Variants in ATG7 observed in about 807,000 individuals in gnomAD.
ATG7 encodes autophagy related 7.
Under a neutral mutation model 82.4 loss-of-function variants are expected in ATG7, and 70 were observed. That is an observed-to-expected ratio of 0.85 (90% CI 0.70 to 1.04). The LOEUF (loss-of-function observed/expected upper bound fraction) is 1.04. Among genes scored for constraint, ATG7 ranks in the 50% least tolerant of loss-of-function variants. The pLI is 0.00. For missense variants in ATG7, 792 were observed against 864.3 expected, an observed-to-expected ratio of 0.92 and a Z score of 1.05; for synonymous variants, 287 against 313.0, an observed-to-expected ratio of 0.92 and a Z score of 0.88.
chr3:11,294,747 C>G (rs978212688), intron 3 of ATG7, among the ~76,000 whole-genome samples: 2 of 152,204 alleles, frequency 1.3e-5, no homozygotes, highest in African/African-American at 2.4e-5. Flanking sequence ...GCCTCCATCA[C>G]TATCCCTTCT....
chr3:11,405,136 C>A (rs527895265), intron 19 of ATG7, among the ~76,000 whole-genome samples: 4 of 152,154 alleles, frequency 2.6e-5, no homozygotes, highest in African/African-American at 4.8e-5. Context: ...TAGTTTTCAA[C>A]AGTTGGCCCT....
At chr3:11,480,455 T>C (rs981036418) in intron 20 of ATG7, among the ~76,000 whole-genome samples, 13 of 152,002 alleles carry the variant, frequency 8.6e-5, no homozygotes, top group African/African-American at 2.9e-4. Context: ...GAGGATTGCT[T>C]GAGAGCATTA....
At chr3:11,568,674 G>C in the ATG7 span, 2 of 1,555,474 alleles carry the variant, frequency 1.3e-6, no homozygotes, top group East Asian at 2.4e-5. This position sits in a 1 kb window ranked among gnomAD's most constrained non-coding sequence, Gnocchi z 5.9. Flanking sequence ...CGCTCGCCCG[G>C]ATGAATCACC....
intron 20 of ATG7, among the ~76,000 whole-genome samples, chr3:11,531,217 A>AG (rs145827275): frequency 0.015 from 2,285 of 152,202 alleles, 56 homozygotes; most frequent in African/African-American, 0.049. Flanking sequence ...GTCTAGAAGA[A>AG]GGGGGGGCTG....
intron 16 of ATG7, among the ~76,000 whole-genome samples, chr3:11,362,047 ATC>A (rs1434465853): frequency 6.6e-6 from 1 of 152,182 alleles, no homozygotes; most frequent in African/African-American, 2.4e-5. Context: ...TGGCTTGATG[ATC>A]TCTGTTATGG....
intron 19 of ATG7, among the ~76,000 whole-genome samples, chr3:11,387,506 C>T (rs1389874992): frequency 1.3e-5 from 2 of 152,164 alleles, no homozygotes; most frequent in African/African-American, 4.8e-5. Context: ...TAGATGGTTC[C>T]ATTGGCAGCC....
intron 18 of ATG7, among the ~76,000 whole-genome samples, chr3:11,378,684 CCAAAAAAAAAA>C (rs2077632229): frequency 4.3e-5 from 1 of 23,002 alleles, no homozygotes; most frequent in Admixed American, 7.2e-4. Flanking sequence ...GACTCCATCT[CCAAAAAAAAAA>C]AAAAAAAAAA....
At chr3:11,477,684 A>AT (rs896645921) in intron 20 of ATG7, among the ~76,000 whole-genome samples, 1 of 152,120 alleles carries the variant, frequency 6.6e-6, no homozygotes, top group Non-Finnish European at 1.5e-5. Context: ...ACAAGGGGGA[A>AT]TTTTTTTGCT....
At chr3:11,391,321 G>T (rs1455018264) in intron 19 of ATG7, among the ~76,000 whole-genome samples, 1 of 152,084 alleles carries the variant, frequency 6.6e-6, no homozygotes, top group Non-Finnish European at 1.5e-5. Context: ...TAACCTAAAT[G>T]AAGCTGAGGT....
At chr3:11,488,556 C>G (rs2090005879) in intron 20 of ATG7, 7 of 929,462 alleles carry the variant, frequency 7.5e-6, no homozygotes, top group Non-Finnish European at 9.6e-6. Context: ...GCGGCGCCAA[C>G]CACCACCCGC....
At chr3:11,500,462 CA>C (rs1208515474) in intron 20 of ATG7, among the ~76,000 whole-genome samples, 1 of 149,226 alleles carries the variant, frequency 6.7e-6, no homozygotes, top group African/African-American at 2.5e-5. Context: ...CTAAAAAATA[CA>C]AATTAAAAGA....
At position 11,360,783 on chromosome 3, in the gene ATG7, A is replaced by C. The variant is rs1448784360; in HGVS notation, c.1682A>C (p.Asp561Ala). 1.2e-6 allele frequency: 2 copies of C among 1,613,976 alleles called. No homozygotes were observed. Among genetic ancestry groups the C allele is most frequent in the African/African-American group, 2.7e-5 (2 of 74,926 alleles). Residue 561 changes from aspartate (D) to alanine (A), a missense_variant and splice_region_variant, in exon 16 of 21, where the codon GAT becomes GCT. Physicochemically the swap from Asp to Ala is moderately radical, Grantham distance 126. Coordinates refer to ENST00000693202, the MANE Select transcript of ATG7 (RefSeq NM_001349232.2). ...TGCAATGATGTGGTGGCCCCAGGAG[A>C]TGTAAGTGGATTTCTCTATAGTTCC... is the stretch of plus-strand genomic sequence containing the variant. ...YFCNDVVAPG[D>A]STRDRTLDQQ...
At chr3:11,417,079 A>G (rs774046638) in intron 19 of ATG7, among the ~76,000 whole-genome samples, 1 of 152,116 alleles carries the variant, frequency 6.6e-6, no homozygotes, top group Non-Finnish European at 1.5e-5. Flanking sequence ...TTGTTAAAGT[A>G]TGTTTTATGG....
Position 11,342,259 on chromosome 3 carries a change from A to T in ATG7, c.1105A>T (p.Asn369Tyr). The T allele has an allele frequency of 6.2e-7, 1 of 1,613,426 alleles. No individual in the cohort carries two copies. Among genetic ancestry groups the T allele is most frequent in the Non-Finnish European group, 8.5e-7 (1 of 1,179,912 alleles). Residue 369 changes from asparagine to tyrosine, a missense_variant, in exon 13 of 21, where the codon AAT becomes TAT. By Grantham distance (143) the Asn-to-Tyr change is moderately radical (BLOSUM62 -2). Coordinates refer to ENST00000693202, the MANE Select transcript of ATG7 (RefSeq NM_001349232.2). ...LLLGAGTLGCNVARTLMGWGV... is the reference protein window; with the variant it reads ...LLLGAGTLGCYVARTLMGWGV... ...GCTTGGAGCCGGCACCTTGGGTTGC[A>T]ATGTAGCTAGGACGTTGATGGTAAG...
chr3:11,291,807 C>T (rs1014413984), intron 3 of ATG7, among the ~76,000 whole-genome samples: 1 of 152,156 alleles, frequency 6.6e-6, no homozygotes, highest in African/African-American at 2.4e-5. Flanking sequence ...TCATAAGGAC[C>T]TTGTGAGATG....
intron 19 of ATG7, among the ~76,000 whole-genome samples, chr3:11,417,813 TTA>T (rs1245145504): frequency 0.059 from 2,199 of 37,512 alleles, 57 homozygotes; most frequent in Middle Eastern, 0.097. Context: ...TTATTTTATT[TTA>T]TTTTTTTTTT....
At chr3:11,395,963 A>G (rs1559533392) in intron 19 of ATG7, among the ~76,000 whole-genome samples, 7 of 97,042 alleles carry the variant, frequency 7.2e-5, no homozygotes, top group East Asian at 4.3e-4. Flanking sequence ...AAAAAAAAAA[A>G]AAGGTAGGGG....
chr3:11,430,926 A>G (rs1055149219), intron 20 of ATG7, among the ~76,000 whole-genome samples: 2 of 152,238 alleles, frequency 1.3e-5, no homozygotes, highest in African/African-American at 4.8e-5. Flanking sequence ...GAGAAAGAGT[A>G]GAGAAGGGAA....
intron 20 of ATG7, among the ~76,000 whole-genome samples, chr3:11,525,673 G>C (rs1045586997): frequency 4.0e-5 from 6 of 150,920 alleles, no homozygotes; most frequent in African/African-American, 1.2e-4. Context: ...TCCTGCCTCA[G>C]CCTCCTGAGT....
Sources: gnomAD v4.1 joint callset for allele counts (sites outside exome capture counted in the v4.1 genomes callset) on GRCh38, gnomAD v4.1.1 for gene constraint, Gnocchi (gnomAD v3.1) non-coding constraint, MANE v1.5 for transcripts, NCBI Gene and HGNC (gene_info 2026-07-23, HGNC 2026-07-21) for gene names.